The following PLCB4 variants were observed in gnomAD, a reference collection of about 807,000 sequenced individuals.
PLCB4 encodes 1-phosphatidylinositol 4,5-bisphosphate phosphodiesterase beta-4.
PLCB4 carries 77 observed loss-of-function variants against 178.8 expected under a neutral mutation model. That is an observed-to-expected ratio of 0.43 (90% CI 0.36 to 0.52). PLCB4 has a LOEUF of 0.52. PLCB4 is among the 20% of genes least tolerant of loss of function. The pLI, the probability that PLCB4 is intolerant of heterozygous loss-of-function variation, is 0.00. For synonymous variants in PLCB4, 496 were observed against 490.8 expected, an observed-to-expected ratio of 1.01 and a Z score of -0.14; for missense variants, 1,024 against 1,453.4, an observed-to-expected ratio of 0.70 and a Z score of 4.80.
intron 2 of PLCB4, among the ~76,000 whole-genome samples, chr20:9,158,636 T>C (rs1197841026): frequency 6.6e-6 from 1 of 151,786 alleles, no homozygotes; most frequent in African/African-American, 2.4e-5. Flanking sequence ...TACACCTCTA[T>C]CTTAAATGGA....
intron 30 of PLCB4, among the ~76,000 whole-genome samples, chr20:9,437,885 A>G (rs2041871778): frequency 6.6e-6 from 1 of 152,228 alleles, no homozygotes; most frequent in Non-Finnish European, 1.5e-5. Flanking sequence ...ATAAAGTATT[A>G]ACAACCAGAG....
At chr20:9,130,098 C>T (rs1425602516) in intron 2 of PLCB4, among the ~76,000 whole-genome samples, 4 of 152,094 alleles carry the variant, frequency 2.6e-5, no homozygotes, top group Non-Finnish European at 5.9e-5. Context: ...AGAGCTGCTA[C>T]TCAAGATGAA....
chr20:9,203,053 A>AT (rs1568942444), intron 2 of PLCB4, among the ~76,000 whole-genome samples: 31 of 132,488 alleles, frequency 2.3e-4, no homozygotes, highest in African/African-American at 6.0e-4. Context: ...AAAAAAAAAA[A>AT]AAAATATATA....
intron 2 of PLCB4, among the ~76,000 whole-genome samples, chr20:9,156,336 A>G (rs1364003166): frequency 6.6e-6 from 1 of 152,128 alleles, no homozygotes; most frequent in Non-Finnish European, 1.5e-5. Flanking sequence ...GGCACTAACT[A>G]TGTGCTAGGT....
At position 9,224,588 on chromosome 20, in the gene PLCB4, G is replaced by A. The variant is rs150866573; in HGVS notation, c.-16+7136G>A. ...CTTACTGGTCTTACTGAAAAGACTT[G>A]TCTTACCTTTTCCACCTAAGGATGT... On this transcript the variant is annotated intron_variant, in intron 3 of 39. Transcript: ENST00000378473. Among the ~76,000 whole-genome samples, 4 of 152,290 alleles carry A rather than the reference G, an allele frequency of 2.6e-5. No individual in the cohort carries two copies. The East Asian group carries it at 7.7e-4, about 29-fold the overall frequency.
chr20:9,273,512 C>G (rs2094424252), intron 3 of PLCB4, among the ~76,000 whole-genome samples: 1 of 152,002 alleles, frequency 6.6e-6, no homozygotes. Context: ...CCCAAATGAG[C>G]CCCTCACCCA....
At chr20:9,329,402 T>C (rs1362720419) in intron 4 of PLCB4, among the ~76,000 whole-genome samples, 1 of 152,194 alleles carries the variant, frequency 6.6e-6, no homozygotes, top group African/African-American at 2.4e-5. Context: ...CTCATAGGAA[T>C]GTTGGGAGGA....
At chr20:9,439,128 A>G (rs908069736) in intron 30 of PLCB4, among the ~76,000 whole-genome samples, 1 of 152,254 alleles carries the variant, frequency 6.6e-6, no homozygotes, top group Non-Finnish European at 1.5e-5. Flanking sequence ...AAATTTTAGT[A>G]GCTTAAGACA....
chr20:9,139,309 C>T (rs927595434), intron 2 of PLCB4, among the ~76,000 whole-genome samples: 5 of 152,078 alleles, frequency 3.3e-5, no homozygotes, highest in Non-Finnish European at 7.4e-5. Flanking sequence ...TAACTGGGCT[C>T]AGCTGGGCAG....
At chr20:9,120,765 A>C (rs1157924880) in intron 2 of PLCB4, among the ~76,000 whole-genome samples, 1 of 151,424 alleles carries the variant, frequency 6.6e-6, no homozygotes, top group African/African-American at 2.4e-5. Context: ...TAATGTCAAA[A>C]TTCCTTAACT....
At chr20:9,451,609 A>G (rs1009641179) in intron 32 of PLCB4, among the ~76,000 whole-genome samples, 1 of 152,186 alleles carries the variant, frequency 6.6e-6, no homozygotes, top group Non-Finnish European at 1.5e-5. Flanking sequence ...ATGTTCCTCT[A>G]TTCCTGGGGC....
At position 9,372,411 on chromosome 20, in the gene PLCB4, C is replaced by T. The variant is rs2036325443; in HGVS notation, c.686+8C>T. Reference sequence around the variant, plus strand: ...AGATCTTTTCAAAAAAATGTAAGTTCCACTTATGAGGAAGTGCCATATAAA... The same window carrying T: ...AGATCTTTTCAAAAAAATGTAAGTTTCACTTATGAGGAAGTGCCATATAAA... On this transcript the variant is annotated splice_region_variant and intron_variant, in intron 11 of 39. Coordinates refer to ENST00000378473, the MANE Select transcript of PLCB4 (RefSeq NM_001377142.1). 1 of 1,399,812 alleles carries T rather than the reference C, an allele frequency of 7.1e-7. No individual in the cohort carries two copies. Among genetic ancestry groups the T allele is most frequent in the Non-Finnish European group, 1.0e-6 (1 of 992,496 alleles). 86.7% of individuals were successfully genotyped at this position (1,399,812 alleles called of 1,614,324 possible). A position where few individuals can be genotyped will look rare whatever the true frequency, so the allele number is the denominator to read the frequency against.
chr20:9,459,351 AAAAC>A (rs11472100), intron 34 of PLCB4, among the ~76,000 whole-genome samples: 1 of 151,972 alleles, frequency 6.6e-6, no homozygotes, highest in African/African-American at 2.4e-5. Context: ...CTAAAAAAAC[AAAAC>A]AAACAAACAA....
chr20:9,304,586 G>A (rs1010114659), intron 3 of PLCB4, among the ~76,000 whole-genome samples: 1 of 152,152 alleles, frequency 6.6e-6, no homozygotes. Flanking sequence ...AGATCTTCGA[G>A]ATTCTTACTT....
chr20:9,098,763 G>GTATA lies in PLCB4; in HGVS notation c.-79+2429_-79+2432dup, dbSNP rs73613692. On this transcript the variant is annotated intron_variant, in intron 2 of 39. Coordinates refer to ENST00000378473, the MANE Select transcript of PLCB4 (RefSeq NM_001377142.1). ...TATATGTGTGTGTGTGTGTGTGTGTGTATATATATATGAGACTATTTAATA... is the reference window on the plus strand; with the variant it reads ...TATATGTGTGTGTGTGTGTGTGTGTGTATATATATATATATGAGACTATTTAATA... Among the ~76,000 whole-genome samples the GTATA allele has an allele frequency of 2.1e-4, 31 of 146,838 alleles. 1 individual carries two copies. The highest frequency in any genetic ancestry group is 7.3e-4 in the African/African-American group (29 of 39,542).
intron 27 of PLCB4, among the ~76,000 whole-genome samples, chr20:9,422,320 T>C (rs1398585198): frequency 6.6e-6 from 1 of 152,178 alleles, no homozygotes; most frequent in Non-Finnish European, 1.5e-5. Flanking sequence ...GGGAGATCAA[T>C]GTAGGTTTGA....
intron 3 of PLCB4, among the ~76,000 whole-genome samples, chr20:9,250,031 A>G (rs943214308): frequency 2.0e-5 from 3 of 152,226 alleles, no homozygotes; most frequent in Admixed American, 1.3e-4. Context: ...AGCACTACTC[A>G]TAAGAGAATA....
At chr20:9,306,412 G>A (rs1046455978) in intron 3 of PLCB4, among the ~76,000 whole-genome samples, 1 of 151,950 alleles carries the variant, frequency 6.6e-6, no homozygotes, top group Admixed American at 6.6e-5. Context: ...CACTGAGCCC[G>A]GCGTGGTGTT....
At chr20:9,212,891 T>C (rs2093687729) in intron 2 of PLCB4, among the ~76,000 whole-genome samples, 2 of 152,140 alleles carry the variant, frequency 1.3e-5, no homozygotes, top group South Asian at 4.1e-4. Context: ...TGCACTCACT[T>C]AAAATGTACA....
Sources: allele counts gnomAD v4.1 joint callset (sites outside exome capture counted in the v4.1 genomes callset), GRCh38; gene constraint gnomAD v4.1.1; transcripts MANE v1.5; gene names NCBI Gene and HGNC (gene_info 2026-07-23, HGNC 2026-07-21).